Variants in CRTAC1 observed in about 807,000 individuals in gnomAD.
CRTAC1 encodes acidic secreted protein in cartilage.
A neutral mutation model predicts 67.8 loss-of-function variants in CRTAC1; 37 were observed. That is an observed-to-expected ratio of 0.55 (90% CI 0.42 to 0.72). CRTAC1 has a LOEUF of 0.72. CRTAC1 is among the 30% of genes least tolerant of loss of function. The pLI is 0.00. For missense variants in CRTAC1, 780 were observed against 931.6 expected (o/e 0.84, Z 2.12); for synonymous variants, 348 against 371.0 (o/e 0.94, Z 0.71).
intron 2 of CRTAC1, among the ~76,000 whole-genome samples, chr10:97,966,115 A>T (rs1454871081): frequency 6.6e-6 from 1 of 152,124 alleles, no homozygotes. Flanking sequence ...GTCTCACTCC[A>T]TCACCCAGGC....
intron 2 of CRTAC1, among the ~76,000 whole-genome samples, chr10:97,958,759 A>T (rs946844146): frequency 6.6e-6 from 1 of 152,246 alleles, no homozygotes; most frequent in Non-Finnish European, 1.5e-5. Flanking sequence ...TTAACCCCTG[A>T]TCAGCTCACA....
chr10:97,930,769 G>A (rs2050991467), intron 3 of CRTAC1, among the ~76,000 whole-genome samples: 1 of 152,082 alleles, frequency 6.6e-6, no homozygotes, highest in Non-Finnish European at 1.5e-5. Flanking sequence ...CTAGCGTGGT[G>A]ACTGACGCTC....
At chr10:98,000,534 C>A (rs998499445) in intron 2 of CRTAC1, among the ~76,000 whole-genome samples, 4 of 152,250 alleles carry the variant, frequency 2.6e-5, no homozygotes, top group African/African-American at 9.6e-5. Flanking sequence ...CCTTGCCACT[C>A]CACATCTGAC....
At position 97,895,881 on chromosome 10, in the gene CRTAC1, G is replaced by A. The variant is rs760166412; in HGVS notation, c.1317+4C>T. On this transcript the variant is annotated splice_donor_region_variant and intron_variant, in intron 10 of 14. Coordinates refer to ENST00000370597, the MANE Select transcript of CRTAC1 (RefSeq NM_018058.7). The surrounding 1 kb of genome is among the most constrained non-coding windows in gnomAD (Gnocchi z 4.2). ...GATCTGTGGCTCCTGAGGTCTTAGC[G>A]CACCTGATTGCCCCGGAAGACGGAC... The A allele has an allele frequency of 1.4e-5, 22 of 1,610,318 alleles. No individual in the cohort carries two copies. Among genetic ancestry groups the A allele is most frequent in the Middle Eastern group, 1.6e-4 (1 of 6,072 alleles).
At chr10:97,885,655 CG>C (rs376942176) in intron 11 of CRTAC1, among the ~76,000 whole-genome samples, 47 of 152,108 alleles carry the variant, frequency 3.1e-4, no homozygotes, top group African/African-American at 1.1e-3. Flanking sequence ...GGGGAGGAGG[CG>C]GGGGCTGGGC....
chr10:97,959,021 C>T (rs1001970470), intron 2 of CRTAC1, among the ~76,000 whole-genome samples: 7 of 152,188 alleles, frequency 4.6e-5, no homozygotes, highest in African/African-American at 1.4e-4. Flanking sequence ...GCAGCAGCAG[C>T]GACTGTGAAA....
chr10:98,010,337 G>A (rs1296576041), intron 2 of CRTAC1, among the ~76,000 whole-genome samples: 6 of 152,134 alleles, frequency 3.9e-5, no homozygotes, highest in Admixed American at 3.9e-4. Context: ...ACTGCACCCG[G>A]CCCTCAATGC....
intron 2 of CRTAC1, among the ~76,000 whole-genome samples, chr10:97,986,278 AAGCCTCAATTCCCT>A (rs1263127625): frequency 2.6e-5 from 4 of 152,182 alleles, no homozygotes; most frequent in Non-Finnish European, 5.9e-5. Context: ...GGGGTCCTCT[AAGCCTCAATTCCCT>A]AGCCTGTGAA....
rs1294180428 is a variant in CRTAC1 at position 97,901,527 on chromosome 10, C to G, written c.1109G>C (p.Ser370Thr). 2 of 1,614,228 alleles carry G rather than the reference C, an allele frequency of 1.2e-6. No homozygotes were observed. Among genetic ancestry groups the G allele is most frequent in the South Asian group, 2.2e-5 (2 of 91,072 alleles). The change falls in exon 8 of 15, where the codon AGC becomes ACC. Residue 370 changes from serine (S) to threonine (T), a missense_variant. Ser to Thr is a moderately conservative substitution (Grantham distance 58). Coordinates refer to ENST00000370597, the MANE Select transcript of CRTAC1 (RefSeq NM_018058.7). ...EIFFNNIAYRSSSANRLFRVI... is the reference protein window; with the variant it reads ...EIFFNNIAYRTSSANRLFRVI... ...CCGGAAGAGGCGGTTGGCTGAGGAG[C>G]TGCGGTAGGCAATGTTGTTGAAGAA...
chr10:97,903,556 T>G (rs577063897), intron 7 of CRTAC1, among the ~76,000 whole-genome samples: 18 of 151,968 alleles, frequency 1.2e-4, no homozygotes, highest in African/African-American at 4.3e-4. Flanking sequence ...AGGGACTTGG[T>G]AGGGGTGGCC....
chr10:97,881,199 T>A (rs775026996), intron 13 of CRTAC1, among the ~76,000 whole-genome samples: 36 of 152,194 alleles, frequency 2.4e-4, no homozygotes, highest in Non-Finnish European at 4.7e-4. Flanking sequence ...AGAGCAAAAT[T>A]CAGACTCCCT....
At chr10:97,931,498 TA>T (rs1175357202) in intron 3 of CRTAC1, among the ~76,000 whole-genome samples, 2 of 152,192 alleles carry the variant, frequency 1.3e-5, no homozygotes, top group African/African-American at 4.8e-5. Flanking sequence ...TATACAACCA[TA>T]AAATGAATGA....
intron 2 of CRTAC1, among the ~76,000 whole-genome samples, chr10:97,989,477 C>A (rs1451324283): frequency 6.6e-6 from 1 of 152,186 alleles, no homozygotes; most frequent in African/African-American, 2.4e-5. Flanking sequence ...AGGCTACAAA[C>A]CTGCACAGCA....
At chr10:97,959,046 T>A (rs2136640317) in intron 2 of CRTAC1, among the ~76,000 whole-genome samples, 1 of 152,274 alleles carries the variant, frequency 6.6e-6, no homozygotes, top group East Asian at 1.9e-4. Flanking sequence ...TGCCGGCCAT[T>A]ATGAGACTCT....
At chr10:97,878,691 T>C (rs1214241958) in intron 14 of CRTAC1, 2 of 1,303,936 alleles carry the variant, frequency 1.5e-6, no homozygotes, top group Non-Finnish European at 2.0e-6. Flanking sequence ...AGGTTCTTTC[T>C]AGAAATCAGA....
At chr10:97,912,959 G>A (rs1259838566) in intron 5 of CRTAC1, among the ~76,000 whole-genome samples, 1 of 152,236 alleles carries the variant, frequency 6.6e-6, no homozygotes. Context: ...GAGACTCTGA[G>A]GTGAGGCCCC....
At chr10:97,871,538 G>A (rs1240119955) in intron 14 of CRTAC1, 1 of 152,150 alleles carries the variant, frequency 6.6e-6, no homozygotes, top group Non-Finnish European at 1.5e-5. Flanking sequence ...TTTATCCAAG[G>A]GTTCACTGAT....
chr10:97,931,607 T>C (rs1018910869), intron 3 of CRTAC1, among the ~76,000 whole-genome samples: 2 of 152,214 alleles, frequency 1.3e-5, no homozygotes, highest in African/African-American at 2.4e-5. Context: ...GCTGTTTGTG[T>C]AGAAAGGAGG....
At chr10:97,956,891 CA>C (rs1187585006) in intron 2 of CRTAC1, among the ~76,000 whole-genome samples, 1 of 152,034 alleles carries the variant, frequency 6.6e-6, no homozygotes, top group African/African-American at 2.4e-5. Context: ...ACTGCAACCT[CA>C]GCCTCCTGGG....
Sources: gnomAD v4.1 joint callset for allele counts (sites outside exome capture counted in the v4.1 genomes callset) on GRCh38, gnomAD v4.1.1 for gene constraint, Gnocchi (gnomAD v3.1) non-coding constraint, MANE v1.5 for transcripts, NCBI Gene and HGNC (gene_info 2026-07-23, HGNC 2026-07-21) for gene names.